The following NRAP variants were observed in gnomAD, a reference collection of about 807,000 sequenced individuals.
NRAP encodes the protein nebulin related anchoring protein.
In NRAP, 189 loss-of-function variants were observed where a neutral mutation model predicts 225.9. The ratio of observed to expected loss-of-function variants is 0.84; its 90% CI spans 0.74 to 0.94. The LOEUF (loss-of-function observed/expected upper bound fraction) is 0.94. Ranked by LOEUF, NRAP falls within the 40% of genes least tolerant of loss-of-function variation. NRAP has a pLI of 0.00. For missense variants in NRAP, 2,176 were observed against 2,168.7 expected (o/e 1.00, Z -0.07); for synonymous variants, 769 against 790.7 (o/e 0.97, Z 0.46).
intron 3 of NRAP, among the ~76,000 whole-genome samples, chr10:113,661,016 G>A (rs1041918742): frequency 3.3e-5 from 5 of 152,116 alleles, no homozygotes; most frequent in Admixed American, 2.6e-4. Context: ...AGAGTGTTCA[G>A]TACTCTGTTT....
chr10:113,663,301 T>C, intron 2 of NRAP, 51 bp downstream of exon 2: 1 of 1,124,806 alleles, frequency 8.9e-7, no homozygotes, highest in Non-Finnish European at 1.4e-6. Flanking sequence ...GGCTCCTTGT[T>C]GAAAAACAAA....
At chr10:113,655,505 G>A (rs10749140) in intron 4 of NRAP, among the ~76,000 whole-genome samples, 48,843 of 149,978 alleles carry the variant, frequency 0.33, 8,562 homozygotes, top group African/African-American at 0.47. Flanking sequence ...ACCTAGGATG[G>A]AGTGCAGTGG....
intron 34 of NRAP, among the ~76,000 whole-genome samples, chr10:113,605,217 G>A (rs375106329): frequency 4.6e-5 from 7 of 152,194 alleles, no homozygotes; most frequent in South Asian, 2.1e-4. Flanking sequence ...TTATCCGTTC[G>A]CACTTGGCAA....
In NRAP at chr10:113,620,377, T is replaced by C. The variant is rs571241992; in HGVS notation, c.2874+227A>G. ...ATTGAGCTCTGTTTGATTGTCATTA[T>C]TATTCATAATATCATTTGTCACCCA... On this transcript the variant is annotated intron_variant, in intron 25 of 41. Coordinates refer to ENST00000359988, the MANE Select transcript of NRAP (RefSeq NM_198060.4). Among the ~76,000 whole-genome samples the C allele has an allele frequency of 2.0e-5, 3 of 152,300 alleles. No homozygotes were observed. The East Asian group carries it at 5.8e-4, about 29-fold the overall frequency.
intron 38 of NRAP, among the ~76,000 whole-genome samples, chr10:113,593,992 G>A (rs1846141461): frequency 6.6e-6 from 1 of 152,196 alleles, no homozygotes; most frequent in Non-Finnish European, 1.5e-5. Flanking sequence ...TTCTCCCTGT[G>A]TACTATTTGC....
At chr10:113,663,262 C>T (rs983933001) in intron 2 of NRAP, 90 bp downstream of exon 2, 8 of 782,972 alleles carry the variant, frequency 1.0e-5, no homozygotes, top group Non-Finnish European at 1.8e-5. Context: ...TGGATTTAAC[C>T]CTGGGTTATA....
chr10:113,623,142 T>C (rs1325364415), intron 23 of NRAP, among the ~76,000 whole-genome samples: 1 of 152,254 alleles, frequency 6.6e-6, no homozygotes, highest in Non-Finnish European at 1.5e-5. Flanking sequence ...ACAATGCTAA[T>C]GGATGATAGA....
chr10:113,619,292 G>A (rs368965653), intron 25 of NRAP, among the ~76,000 whole-genome samples: 5 of 152,190 alleles, frequency 3.3e-5, no homozygotes, highest in African/African-American at 1.2e-4. Flanking sequence ...TTGAGAGTTT[G>A]GGATCATGAA....
At chr10:113,652,782 G>A (rs1850058494) in intron 6 of NRAP, among the ~76,000 whole-genome samples, 153 bp downstream of exon 6, 1 of 152,072 alleles carries the variant, frequency 6.6e-6, no homozygotes, top group Non-Finnish European at 1.5e-5. Context: ...ATACTTGACG[G>A]GGAAAAGTAA....
chr10:113,589,540 G>A, intron 41 of NRAP, 126 bp downstream of exon 41: 1 of 1,165,622 alleles, frequency 8.6e-7, no homozygotes, highest in African/African-American at 1.5e-5. Context: ...CCTTGTTTGA[G>A]CTGCGTTTCA....
At chr10:113,654,385 T>G (rs1424128079) in intron 4 of NRAP, among the ~76,000 whole-genome samples, 3 of 151,908 alleles carry the variant, frequency 2.0e-5, no homozygotes, top group African/African-American at 7.3e-5. Flanking sequence ...TGCATCAAGA[T>G]TGGGCGAGGA....
At chr10:113,652,534 C>T (rs1354220086) in intron 6 of NRAP, among the ~76,000 whole-genome samples, 2 of 151,888 alleles carry the variant, frequency 1.3e-5, no homozygotes, top group African/African-American at 4.8e-5. Flanking sequence ...AGTCCAGCTA[C>T]TCGGGAGGCT....
intron 36 of NRAP, 116 bp downstream of exon 36, chr10:113,597,853 T>G: frequency 1.3e-6 from 1 of 764,506 alleles, no homozygotes; most frequent in Non-Finnish European, 2.4e-6. Flanking sequence ...CCAAAAATAC[T>G]GGGAGTCCAG....
rs115917000 is a variant in NRAP at position 113,636,891 on chromosome 10, G to A, written c.1429-2681C>T. ...GCGTGGTGGCTCGCGCCTGTAACCC[G>A]AGATACTCGGGAGGCTGAGGCAGGA... is the stretch of plus-strand genomic sequence containing the variant. On this transcript the variant is annotated intron_variant, in intron 14 of 41. Transcript: ENST00000359988. Among the ~76,000 whole-genome samples the A allele has an allele frequency of 5.2e-3, 783 of 151,614 alleles. 7 individuals carry two copies. The highest frequency in any genetic ancestry group is 0.017 in the African/African-American group (709 of 41,328).
intron 30 of NRAP, among the ~76,000 whole-genome samples, chr10:113,611,676 G>A (rs193120627): frequency 1.3e-3 from 199 of 152,280 alleles, no homozygotes; most frequent in Admixed American, 5.8e-3. Context: ...CCTGAAGTGC[G>A]TCAGTCCTGA....
chr10:113,629,280 G>T (rs535008134), intron 19 of NRAP, among the ~76,000 whole-genome samples: 1 of 146,394 alleles, frequency 6.8e-6, no homozygotes, highest in Admixed American at 7.3e-5. Context: ...GTTGACCAAG[G>T]GCCTTTTTTT....
intron 28 of NRAP, 30 bp from the exon 29 acceptor site, chr10:113,614,326 C>G (rs1564716593): frequency 7.0e-7 from 1 of 1,432,180 alleles, no homozygotes; most frequent in African/African-American, 1.4e-5. Flanking sequence ...GAGAGAGGAA[C>G]AGCTCAGGGA....
chr10:113,654,507 C>CAAAAAAAAAAAA (rs56238053), intron 4 of NRAP, among the ~76,000 whole-genome samples: 5 of 128,686 alleles, frequency 3.9e-5, no homozygotes, highest in Non-Finnish European at 6.4e-5. Flanking sequence ...GCAATAAAAG[C>CAAAAAAAAAAAA]AAAAAAAAAA....
chr10:113,629,452 C>A lies in NRAP; in HGVS notation c.2040+136G>T. ...CTACCTCCCCATCTGCCCTTTCTGG[C>A]CCCCTGGTACATTTCCTGCAGTTCT... is the stretch of plus-strand genomic sequence containing the variant. On this transcript the variant is annotated intron_variant, in intron 19 of 41. Transcript: ENST00000359988. 7 of 656,264 alleles carry A rather than the reference C, an allele frequency of 1.1e-5. 1 individual carries two copies. In the South Asian group the frequency reaches 1.1e-4, roughly 11 times the overall value. 40.7% of individuals were successfully genotyped at this position (656,264 alleles called of 1,614,324 possible). A position where few individuals can be genotyped will look rare whatever the true frequency, so the allele number is the denominator to read the frequency against.
Sources: gnomAD v4.1 joint callset for allele counts (sites outside exome capture counted in the v4.1 genomes callset) on GRCh38, gnomAD v4.1.1 for gene constraint, MANE v1.5 for transcripts, NCBI Gene and HGNC (gene_info 2026-07-23, HGNC 2026-07-21) for gene names.